Variants in BLZF1 observed in about 807,000 individuals in gnomAD.
BLZF1 encodes basic leucine zipper nuclear factor 1.
BLZF1 carries 39 observed loss-of-function variants against 43.8 expected under a neutral mutation model. That is an observed-to-expected ratio of 0.89 (90% confidence interval 0.69 to 1.16). BLZF1 has a LOEUF of 1.16. Among genes scored for constraint, BLZF1 ranks in the 50% most tolerant of loss-of-function variants. The pLI is 0.00. For missense variants in BLZF1, 449 were observed against 469.8 expected (o/e 0.96, Z 0.41); for synonymous variants, 136 against 159.4 (o/e 0.85, Z 1.11).
chr1:169,379,393 A>C (rs1654458873), intron 4 of BLZF1, among the ~76,000 whole-genome samples: 1 of 151,946 alleles, frequency 6.6e-6, no homozygotes, highest in African/African-American at 2.4e-5. Flanking sequence ...TTATCTCCTA[A>C]TTGTGCTAGT....
At chr1:169,372,908 T>C (rs1654168246) in intron 2 of BLZF1, among the ~76,000 whole-genome samples, 1 of 152,186 alleles carries the variant, frequency 6.6e-6, no homozygotes, top group African/African-American at 2.4e-5. Context: ...ATTAACACTA[T>C]TTAAGCCAAA....
At position 169,380,505 on chromosome 1, in the gene BLZF1, C is replaced by T. The variant is rs774785058; in HGVS notation, c.693C>T (p.Asn231=). The change falls in exon 5 of 7, where the codon AAC becomes AAT. Residue 231 remains asparagine, a synonymous_variant. Transcript: ENST00000367808. ...ASRVMADELT[N]SRAALQRQNR... is the part of the protein sequence containing the mutation. ...GGGTAATGGCAGATGAGTTAACCAA[C>T]TCAAGAGCAGCTTTACAGCGTCAAA... 2 of 1,612,200 alleles carry T rather than the reference C, an allele frequency of 1.2e-6. No individual in the cohort carries two copies. The highest frequency in any genetic ancestry group is 1.1e-5 in the South Asian group (1 of 90,956).
chr1:169,371,929 A>C (rs750774983), intron 2 of BLZF1, among the ~76,000 whole-genome samples: 28 of 152,202 alleles, frequency 1.8e-4, no homozygotes, highest in Non-Finnish European at 3.8e-4. Context: ...GAGCAGATAA[A>C]TTTGATAAAT....
chr1:169,377,806 A>T (rs1411918555), intron 3 of BLZF1, among the ~76,000 whole-genome samples: 1 of 152,044 alleles, frequency 6.6e-6, no homozygotes. Context: ...AGTGTTCTTC[A>T]ATAGCTATAC....
chr1:169,380,144 G>A (rs1654480771), intron 4 of BLZF1, among the ~76,000 whole-genome samples: 1 of 151,752 alleles, frequency 6.6e-6, no homozygotes, highest in African/African-American at 2.4e-5. Context: ...GTCTCTTTAA[G>A]TTTTTCTGTA....
downstream of BLZF1, among the ~76,000 whole-genome samples, chr1:169,389,037 G>A (rs1267000128): frequency 6.6e-6 from 1 of 152,152 alleles, no homozygotes; most frequent in South Asian, 2.1e-4. Flanking sequence ...GCAGAGAATT[G>A]CTTGAACCTG....
intron 2 of BLZF1, among the ~76,000 whole-genome samples, chr1:169,370,886 A>C (rs1654099185): frequency 6.6e-6 from 1 of 152,146 alleles, no homozygotes; most frequent in Non-Finnish European, 1.5e-5. Context: ...CCATCTTCAC[A>C]TAGCTGTAGG....
chr1:169,378,221 C>T, intron 3 of BLZF1, 109 bp from the exon 4 acceptor site: 1 of 1,024,068 alleles, frequency 9.8e-7, no homozygotes, highest in South Asian at 1.5e-5. Flanking sequence ...AACTTCAAGT[C>T]ACGGAGGTCC....
In BLZF1 at chr1:169,378,337, G is replaced by A. The variant is rs755067884; in HGVS notation, c.476G>A (p.Arg159His). The change falls in exon 4 of 7, where the codon CGT becomes CAT. Residue 159 changes from arginine to histidine, a missense_variant. Arg to His is a conservative substitution (Grantham distance 29). Transcript: ENST00000367808. ...NQLRVQTEVN[R>H]ELKKLLVASV... ...GATTACGTTCTCTTCTAGGTAAATC[G>A]TGAGTTAAAAAAGTTACTGGTGGCT... 5.6e-6 allele frequency: 9 copies of A among 1,612,172 alleles called. No homozygotes were observed. Among genetic ancestry groups the A allele is most frequent in the South Asian group, 5.5e-5 (5 of 91,032 alleles).
chr1:169,381,191 A>G (rs1654516687), intron 5 of BLZF1, among the ~76,000 whole-genome samples: 1 of 152,006 alleles, frequency 6.6e-6, no homozygotes, highest in South Asian at 2.1e-4. Flanking sequence ...AGTATCAGGA[A>G]TGAAGGGGGG....
At chr1:169,373,197 G>A (rs1174698539) in intron 2 of BLZF1, among the ~76,000 whole-genome samples, 1 of 152,138 alleles carries the variant, frequency 6.6e-6, no homozygotes, top group African/African-American at 2.4e-5. Flanking sequence ...AATCCTGGTA[G>A]GCAATACGAA....
chr1:169,394,977 A>G, intron 7 of BLZF1: 1 of 1,360,764 alleles, frequency 7.3e-7, no homozygotes. Flanking sequence ...CAACCAAAGT[A>G]CACAGACCCT....
At chr1:169,392,678 G>A (rs1484790647), downstream of BLZF1, among the ~76,000 whole-genome samples, 2 of 152,168 alleles carry the variant, frequency 1.3e-5, no homozygotes, top group Non-Finnish European at 2.9e-5. Context: ...TGGATGGGGG[G>A]AAGTTGCCAG....
chr1:169,373,189 T>C (rs555050865), intron 2 of BLZF1, among the ~76,000 whole-genome samples: 220 of 152,276 alleles, frequency 1.4e-3, no homozygotes, highest in African/African-American at 5.1e-3. Context: ...ATTTCACCAA[T>C]CCTGGTAGGC....
intron 2 of BLZF1, among the ~76,000 whole-genome samples, chr1:169,373,713 G>A (rs995779535): frequency 2.6e-5 from 4 of 152,054 alleles, no homozygotes; most frequent in African/African-American, 4.8e-5. Context: ...TTTCCAACAA[G>A]GTATTTTGTT....
At chr1:169,377,377 G>A (rs78266198) in intron 3 of BLZF1, 7,887 of 176,838 alleles carry the variant, frequency 0.045, 251 homozygotes, top group East Asian at 0.11. Context: ...AGAGAATGGC[G>A]ATATAACTTA....
chr1:169,394,962 GAATACAACCAAA>G, intron 7 of BLZF1: 1 of 1,191,848 alleles, frequency 8.4e-7, no homozygotes, highest in African/African-American at 1.6e-5. Flanking sequence ...CCATAATTTA[GAATACAACCAAA>G]GTACACAGAC....
intron 3 of BLZF1, chr1:169,377,380 A>G (rs535667747): frequency 3.4e-5 from 6 of 175,260 alleles, no homozygotes; most frequent in Middle Eastern, 2.3e-3. Context: ...GAATGGCGAT[A>G]TAACTTACTG....
Position 169,382,275 on chromosome 1 carries a change from T to C in BLZF1, c.1011T>C (p.Ala337=). ...GCAGCACCCCAGCTGAGAAAATGGC[T>C]GAAACGGTAAAATATTTTCTTTTGT... ...EFCSTPAEKM[A]ETVLRILDPV... The change falls in exon 6 of 7, where the codon GCT becomes GCC. Residue 337 remains alanine, a synonymous_variant. Coordinates refer to ENST00000367808, the MANE Select transcript of BLZF1 (RefSeq NM_001320973.2). The C allele has an allele frequency of 6.2e-7, 1 of 1,612,722 alleles. No individual in the cohort carries two copies. Among genetic ancestry groups the C allele is most frequent in the South Asian group, 1.1e-5 (1 of 91,030 alleles).
Sources: allele counts gnomAD v4.1 joint callset (sites outside exome capture counted in the v4.1 genomes callset), GRCh38; gene constraint gnomAD v4.1.1; transcripts MANE v1.5; gene names NCBI Gene and HGNC (gene_info 2026-07-23, HGNC 2026-07-21).